Variants in PRTFDC1 observed in about 807,000 individuals in gnomAD.
PRTFDC1 encodes phosphoribosyl transferase domain containing 1.
Under a neutral mutation model 34.6 loss-of-function variants are expected in PRTFDC1, and 38 were observed. The observed-to-expected ratio is 1.10, with a 90% CI of 0.85 to 1.44. The LOEUF (loss-of-function observed/expected upper bound fraction) is 1.44, where lower values mean the gene tolerates loss of function less well. PRTFDC1 is among the 40% of genes most tolerant of loss of function. PRTFDC1 has a pLI of 0.00. For missense variants in PRTFDC1, 270 were observed against 283.0 expected (o/e 0.95, Z 0.33); for synonymous variants, 93 against 98.1 (o/e 0.95, Z 0.31).
At chr10:24,948,432 C>T (rs1188690321) in intron 1 of PRTFDC1, among the ~76,000 whole-genome samples, 2 of 152,144 alleles carry the variant, frequency 1.3e-5, no homozygotes, top group Non-Finnish European at 2.9e-5. Context: ...AGTGACAAGC[C>T]AACTCTGAGC....
chr10:24,861,003 G>A (rs533369315), intron 4 of PRTFDC1, among the ~76,000 whole-genome samples: 2 of 152,178 alleles, frequency 1.3e-5, no homozygotes, highest in African/African-American at 2.4e-5. Flanking sequence ...GAGTGTATGT[G>A]TTGAATGTAA....
intron 3 of PRTFDC1, among the ~76,000 whole-genome samples, chr10:24,925,801 G>T (rs192409724): frequency 1.3e-5 from 2 of 152,198 alleles, no homozygotes; most frequent in African/African-American, 4.8e-5. Context: ...CTACTGGCTC[G>T]ACCTCATCAA....
At position 24,937,181 on chromosome 10, in the gene PRTFDC1, T is replaced by C. The variant is rs750354966; in HGVS notation, c.339+3A>G. The C allele has an allele frequency of 6.2e-7, 1 of 1,607,428 alleles. No homozygotes were observed. The highest frequency in any genetic ancestry group is 1.1e-5 in the South Asian group (1 of 90,348). ...TCATAAAGCGGAACTTGTAATAACT[T>C]ACCCTGTAACTTTTTAGTCTGATGA... On this transcript the variant is annotated splice_donor_region_variant and intron_variant, in intron 3 of 8. Coordinates refer to ENST00000320152, the MANE Select transcript of PRTFDC1 (RefSeq NM_020200.7).
At chr10:24,909,888 T>C (rs1481831693) in intron 3 of PRTFDC1, among the ~76,000 whole-genome samples, 4 of 152,102 alleles carry the variant, frequency 2.6e-5, no homozygotes, top group South Asian at 4.1e-4. Flanking sequence ...TGTTGGCTCA[T>C]GCCTATAATC....
At chr10:24,935,688 G>T (rs1379003572) in intron 3 of PRTFDC1, among the ~76,000 whole-genome samples, 1 of 152,196 alleles carries the variant, frequency 6.6e-6, no homozygotes, top group Admixed American at 6.5e-5. Flanking sequence ...TCATCAAAAG[G>T]CAGGTTACCT....
intron 3 of PRTFDC1, among the ~76,000 whole-genome samples, chr10:24,883,742 C>A (rs1848118209): frequency 6.6e-6 from 1 of 151,830 alleles, no homozygotes; most frequent in African/African-American, 2.4e-5. Context: ...CCCAAAGACT[C>A]CCCAAAGACT....
At chr10:24,850,501 G>A (rs764426084) in intron 8 of PRTFDC1, among the ~76,000 whole-genome samples, 61 of 152,190 alleles carry the variant, frequency 4.0e-4, no homozygotes, top group Admixed American at 1.0e-3. Context: ...GCATAGTGGC[G>A]TGTGCCTGTA....
chr10:24,942,889 C>A (rs1026672106), intron 1 of PRTFDC1, among the ~76,000 whole-genome samples: 5 of 152,098 alleles, frequency 3.3e-5, no homozygotes, highest in African/African-American at 1.2e-4. Flanking sequence ...CTCAAGTGAT[C>A]CACCTGCCTC....
At chr10:24,933,513 A>G (rs1295555477) in intron 3 of PRTFDC1, among the ~76,000 whole-genome samples, 3 of 152,200 alleles carry the variant, frequency 2.0e-5, no homozygotes, top group Non-Finnish European at 4.4e-5. Flanking sequence ...ATCATTTATT[A>G]GGGAAATGCA....
At chr10:24,919,796 C>T (rs1263883882) in intron 3 of PRTFDC1, among the ~76,000 whole-genome samples, 1 of 151,138 alleles carries the variant, frequency 6.6e-6, no homozygotes, top group African/African-American at 2.4e-5. Flanking sequence ...TAAAAAAAAA[C>T]CATTAAAAAT....
At chr10:24,862,851 A>T (rs187250190) in intron 4 of PRTFDC1, among the ~76,000 whole-genome samples, 274 of 151,982 alleles carry the variant, frequency 1.8e-3, no homozygotes, top group African/African-American at 6.0e-3. Flanking sequence ...GTGATCTGGG[A>T]TCAGCGATCT....
chr10:24,929,843 C>T (rs1014091960), intron 3 of PRTFDC1, among the ~76,000 whole-genome samples: 2 of 152,158 alleles, frequency 1.3e-5, no homozygotes, highest in African/African-American at 4.8e-5. Flanking sequence ...TCCTGTTTTT[C>T]CACTCAAAGT....
At chr10:24,905,200 C>T (rs1848514163) in intron 3 of PRTFDC1, among the ~76,000 whole-genome samples, 1 of 151,832 alleles carries the variant, frequency 6.6e-6, no homozygotes, top group Non-Finnish European at 1.5e-5. Context: ...GTAGTCCCAG[C>T]TACTTAGGAG....
At chr10:24,922,787 G>A (rs1033920821) in intron 3 of PRTFDC1, among the ~76,000 whole-genome samples, 11 of 152,186 alleles carry the variant, frequency 7.2e-5, no homozygotes, top group African/African-American at 2.7e-4. Flanking sequence ...ATCTTATTGG[G>A]ACGGGTTGGA....
At chr10:24,856,106 T>C (rs1588571421) in intron 6 of PRTFDC1, among the ~76,000 whole-genome samples, 1 of 79,070 alleles carries the variant, frequency 1.3e-5, no homozygotes, top group African/African-American at 5.4e-5. Context: ...AGAGCAAGAC[T>C]CCGTCTCAAA....
At position 24,872,054 on chromosome 10, in the gene PRTFDC1, A is replaced by C. The variant is rs753120842; in HGVS notation, c.349T>G (p.Ser117Ala). The C allele has an allele frequency of 4.3e-6, 7 of 1,610,142 alleles. No individual in the cohort carries two copies. The Admixed American group carries it at 1.2e-4, about 27-fold the overall frequency. The change falls in exon 4 of 9, where the codon TCC becomes GCC. Residue 117 changes from serine (S) to alanine (A), a missense_variant. Transcript: ENST00000320152. ...IRLKSYRNDQSMGEMQIIGGD... is the reference protein window; with the variant it reads ...IRLKSYRNDQAMGEMQIIGGD... ...CCGATTATCTGCATCTCACCCATGG[A>C]CTGGTCATTCTGCAAAAAAGAAGAA...
At chr10:24,896,992 T>G (rs2132547296) in intron 3 of PRTFDC1, among the ~76,000 whole-genome samples, 1 of 152,266 alleles carries the variant, frequency 6.6e-6, no homozygotes, top group South Asian at 2.1e-4. Flanking sequence ...GGAGAATTGC[T>G]TAAGTCCAGG....
rs532882244 is a variant in PRTFDC1 at position 24,901,242 on chromosome 10, A to T, written c.340-29179T>A. 1.1e-4 allele frequency among the ~76,000 whole-genome samples: 16 copies of T among 152,276 alleles called. No homozygotes were observed. The East Asian group carries it at 2.9e-3, about 28-fold the overall frequency. On this transcript the variant is annotated intron_variant, in intron 3 of 8. Coordinates refer to ENST00000320152, the MANE Select transcript of PRTFDC1 (RefSeq NM_020200.7). The stretch of plus-strand genomic sequence containing the variant: ...GGCAGAGCAGGGTAACATCAAGTCA[A>T]TAAGAAAAAAGGAACTTGCAACTAT...
At chr10:24,934,818 C>G (rs1849025930) in intron 3 of PRTFDC1, among the ~76,000 whole-genome samples, 1 of 152,166 alleles carries the variant, frequency 6.6e-6, no homozygotes, top group Non-Finnish European at 1.5e-5. Flanking sequence ...CTCCTGAGGG[C>G]TGTGTCACAG....
Sources: allele counts gnomAD v4.1 joint callset (sites outside exome capture counted in the v4.1 genomes callset), GRCh38; gene constraint gnomAD v4.1.1; transcripts MANE v1.5; gene names NCBI Gene and HGNC (gene_info 2026-07-23, HGNC 2026-07-21).